KIDINS220: variants seen among roughly 807,000 people sequenced by gnomAD.
The protein encoded by KIDINS220 is kinase D-interacting substrate of 220 kDa.
Under a neutral mutation model 157.6 loss-of-function variants are expected in KIDINS220, and 63 were observed. The ratio of observed to expected loss-of-function variants is 0.40; its 90% CI spans 0.33 to 0.49. KIDINS220 has a LOEUF of 0.49. Among genes scored for constraint, KIDINS220 ranks in the 20% least tolerant of loss-of-function variants. The pLI is 0.66. For synonymous variants in KIDINS220, 732 were observed against 783.6 expected (o/e 0.93, Z 1.10); for missense variants, 1,772 against 2,171.2 (o/e 0.82, Z 3.65).
At chr2:8,743,049 C>T (rs546738507) in intron 26 of KIDINS220, among the ~76,000 whole-genome samples, 2 of 152,238 alleles carry the variant, frequency 1.3e-5, no homozygotes, top group South Asian at 4.1e-4. Flanking sequence ...CACAGGGCCT[C>T]AATACTAGGT....
intron 2 of KIDINS220, among the ~76,000 whole-genome samples, chr2:8,822,228 C>T (rs751910303): frequency 7.2e-5 from 11 of 152,174 alleles, no homozygotes; most frequent in Non-Finnish European, 1.0e-4. Context: ...TAAATAACCA[C>T]TGGTTTTTTT....
intron 26 of KIDINS220, 196 bp downstream of exon 26, chr2:8,746,949 T>G: frequency 1.9e-6 from 1 of 515,628 alleles, no homozygotes; most frequent in Non-Finnish European, 3.4e-6. Flanking sequence ...CAGGAGGAAA[T>G]AATGGGTGAA....
chr2:8,759,094 T>A (rs1205107754), intron 22 of KIDINS220, among the ~76,000 whole-genome samples: 1 of 152,242 alleles, frequency 6.6e-6, no homozygotes, highest in Non-Finnish European at 1.5e-5. Flanking sequence ...ATTTTAGGCA[T>A]CTTATTGAGT....
At chr2:8,746,518 AAAATAAAT>A (rs1030659825) in intron 26 of KIDINS220, 2 of 150,846 alleles carry the variant, frequency 1.3e-5, no homozygotes, top group African/African-American at 2.4e-5. Context: ...GTGTTGGCAA[AAAATAAAT>A]AAATAAATAA....
chr2:8,737,855 C>G (rs1558315931), intron 26 of KIDINS220, among the ~76,000 whole-genome samples: 1 of 152,170 alleles, frequency 6.6e-6, no homozygotes, highest in Admixed American at 6.5e-5. Context: ...AAACCTGAAC[C>G]AGAACTGTAA....
chr2:8,734,267 T>A (rs571090494), intron 28 of KIDINS220, among the ~76,000 whole-genome samples: 49 of 152,110 alleles, frequency 3.2e-4, no homozygotes, highest in Non-Finnish European at 5.4e-4. Context: ...TGATCACACA[T>A]GTAAACTGAC....
At chr2:8,767,323 A>G (rs1348121726) in intron 22 of KIDINS220, among the ~76,000 whole-genome samples, 5 of 152,210 alleles carry the variant, frequency 3.3e-5, no homozygotes, top group African/African-American at 1.2e-4. Context: ...CAAATAAGTC[A>G]TATATCAAAA....
chr2:8,756,577 G>A (rs990850072), intron 22 of KIDINS220, among the ~76,000 whole-genome samples: 1 of 152,132 alleles, frequency 6.6e-6, no homozygotes, highest in African/African-American at 2.4e-5. Context: ...TTGAAGTTCT[G>A]GAGGCTGGAA....
chr2:8,739,773 TA>T (rs1665386709), intron 26 of KIDINS220, among the ~76,000 whole-genome samples: 1 of 152,262 alleles, frequency 6.6e-6, no homozygotes, highest in Admixed American at 6.5e-5. Flanking sequence ...AAAATTTTTT[TA>T]TGAATCAGAA....
At chr2:8,823,011 T>C (rs1572810506) in intron 2 of KIDINS220, among the ~76,000 whole-genome samples, 1 of 152,200 alleles carries the variant, frequency 6.6e-6, no homozygotes, top group Non-Finnish European at 1.5e-5. Context: ...GGTCTCAGTC[T>C]GTTGCCCAGG....
At chr2:8,722,904 T>G (rs1482519173), downstream of KIDINS220, 1 of 152,216 alleles carries the variant, frequency 6.6e-6, no homozygotes, top group African/African-American at 2.4e-5. Flanking sequence ...TTTCTTGGAT[T>G]GTGGAAAGAA....
chr2:8,734,124 T>G (rs368708562), intron 28 of KIDINS220, among the ~76,000 whole-genome samples: 5 of 131,408 alleles, frequency 3.8e-5, no homozygotes, highest in Admixed American at 7.9e-5. Context: ...AGGGGCAGGG[T>G]GGGGGTCGTG....
At chr2:8,819,429 G>C (rs193158038) in intron 2 of KIDINS220, among the ~76,000 whole-genome samples, 1 of 152,160 alleles carries the variant, frequency 6.6e-6, no homozygotes, top group Non-Finnish European at 1.5e-5. Context: ...AGGCAGCTGG[G>C]TGCCTAGACA....
intron 1 of KIDINS220, among the ~76,000 whole-genome samples, chr2:8,836,856 A>G (rs1446454336): frequency 6.6e-6 from 1 of 152,244 alleles, no homozygotes; most frequent in Non-Finnish European, 1.5e-5. Flanking sequence ...ATTCATAAAA[A>G]AATTTTTCAT....
intron 20 of KIDINS220, among the ~76,000 whole-genome samples, chr2:8,777,638 G>T (rs1307783221): frequency 2.0e-5 from 3 of 152,124 alleles, no homozygotes; most frequent in Admixed American, 6.5e-5. Flanking sequence ...AAAACTAAGG[G>T]ACAGCCTCTC....
At position 8,778,990 on chromosome 2, in the gene KIDINS220, C is replaced by A. The variant is rs1671340778; in HGVS notation, c.2520G>T (p.Leu840Phe). The A allele has an allele frequency of 1.2e-6, 2 of 1,614,132 alleles. No individual in the cohort carries two copies. Among genetic ancestry groups the A allele is most frequent in the Non-Finnish European group, 1.7e-6 (2 of 1,180,012 alleles). Residue 840 changes from leucine (L) to phenylalanine (F), a missense_variant, in exon 19 of 30, where the codon TTG (leucine) becomes TTT (phenylalanine). Physicochemically the swap from Leu to Phe is conservative, Grantham distance 22 (BLOSUM62 0). Transcript: ENST00000256707. ...GTCCACGACTATTAAGGAACACAGGCAAGTGGACTATGTTGCGCATGTAGT... is the reference window on the plus strand; with the variant it reads ...GTCCACGACTATTAAGGAACACAGGAAAGTGGACTATGTTGCGCATGTAGT... ...GHDYMRNIVHLPVFLNSRGLS... is the reference protein window; with the variant it reads ...GHDYMRNIVHFPVFLNSRGLS...
chr2:8,787,067 G>T (rs1572655234), intron 15 of KIDINS220, among the ~76,000 whole-genome samples: 1 of 150,624 alleles, frequency 6.6e-6, no homozygotes, highest in African/African-American at 2.4e-5. Context: ...GTAATATACT[G>T]TGTGGTCTTG....
At chr2:8,799,316 G>C (rs1674377434) in intron 9 of KIDINS220, among the ~76,000 whole-genome samples, 1 of 151,136 alleles carries the variant, frequency 6.6e-6, no homozygotes. Flanking sequence ...TGTCACCCAG[G>C]CTAGAGTGCA....
intron 4 of KIDINS220, among the ~76,000 whole-genome samples, chr2:8,814,316 C>T (rs1490592440): frequency 6.6e-6 from 1 of 152,020 alleles, no homozygotes; most frequent in Non-Finnish European, 1.5e-5. Flanking sequence ...CTTAAAAGGG[C>T]ACAGAGCCAG....
Sources: allele counts gnomAD v4.1 joint callset (sites outside exome capture counted in the v4.1 genomes callset), GRCh38; gene constraint gnomAD v4.1.1; transcripts MANE v1.5; gene names NCBI Gene and HGNC (gene_info 2026-07-23, HGNC 2026-07-21).